The following EYS variants were observed in gnomAD, a reference collection of about 807,000 sequenced individuals.
EYS encodes the protein EGF-like photoreceptor maintenance factor, also known as protein eyes shut homolog.
Under a neutral mutation model 282.1 loss-of-function variants are expected in EYS, and 250 were observed. The observed-to-expected ratio is 0.89, with a 90% CI of 0.80 to 0.98. The LOEUF (loss-of-function observed/expected upper bound fraction) is 0.98, where lower values mean the gene tolerates loss of function less well. Ranked by LOEUF, EYS falls within the 50% of genes least tolerant of loss-of-function variation. EYS has a pLI of 0.00. For synonymous variants in EYS, 1,355 were observed against 1,282.9 expected, an observed-to-expected ratio of 1.06 and a Z score of -1.20; for missense variants, 4,016 against 3,709.0, an observed-to-expected ratio of 1.08 and a Z score of -2.15.
At chr6:64,572,746 A>G (rs1372114157) in intron 26 of EYS, among the ~76,000 whole-genome samples, 1 of 152,122 alleles carries the variant, frequency 6.6e-6, no homozygotes, top group African/African-American at 2.4e-5. Context: ...GGAGAAGTAC[A>G]AACCACTGCT....
intron 13 of EYS, among the ~76,000 whole-genome samples, chr6:65,022,375 A>G (rs1772275612): frequency 6.6e-6 from 1 of 152,238 alleles, no homozygotes; most frequent in Non-Finnish European, 1.5e-5. Context: ...GATAGTAACA[A>G]TAATAGCTGG....
At chr6:65,158,657 G>A (rs538345624) in intron 12 of EYS, among the ~76,000 whole-genome samples, 1 of 150,842 alleles carries the variant, frequency 6.6e-6, no homozygotes, top group South Asian at 2.1e-4. Context: ...AAAGGACAGG[G>A]TTTAAAAACA....
chr6:65,207,662 C>G (rs536307809), intron 12 of EYS, among the ~76,000 whole-genome samples: 1 of 151,560 alleles, frequency 6.6e-6, no homozygotes, highest in Non-Finnish European at 1.5e-5. Flanking sequence ...AGATCAAGTA[C>G]TGATATAAAA....
At chr6:63,738,773 TA>T (rs976656547) in intron 41 of EYS, among the ~76,000 whole-genome samples, 4 of 151,868 alleles carry the variant, frequency 2.6e-5, no homozygotes, top group East Asian at 3.9e-4. Flanking sequence ...TATACACACA[TA>T]AAAAAAATTC....
chr6:65,448,950 C>T (rs948241765), intron 5 of EYS, among the ~76,000 whole-genome samples: 2 of 152,006 alleles, frequency 1.3e-5, no homozygotes, highest in East Asian at 1.9e-4. Flanking sequence ...ATACAGCATG[C>T]CATTCTAGTT....
intron 37 of EYS, among the ~76,000 whole-genome samples, chr6:63,798,996 T>C (rs1178406667): frequency 7.5e-5 from 10 of 133,020 alleles, no homozygotes; most frequent in Non-Finnish European, 1.4e-4. Context: ...TGTATATATA[T>C]ATATATATAT....
intron 33 of EYS, among the ~76,000 whole-genome samples, chr6:64,037,771 C>T (rs1271487079): frequency 6.6e-6 from 1 of 152,192 alleles, no homozygotes; most frequent in Non-Finnish European, 1.5e-5. Context: ...TTCACCTCCT[C>T]CTAAAATCAT....
At chr6:63,958,440 C>A (rs1378213912) in intron 35 of EYS, among the ~76,000 whole-genome samples, 2 of 95,990 alleles carry the variant, frequency 2.1e-5, no homozygotes, top group African/African-American at 5.4e-5. Flanking sequence ...TTGTGGCCCC[C>A]ACAATGTTCA....
chr6:65,685,031 G>A (rs555593495), intron 1 of EYS, among the ~76,000 whole-genome samples: 2 of 152,064 alleles, frequency 1.3e-5, no homozygotes, highest in East Asian at 3.9e-4. Flanking sequence ...AGGAGATGAT[G>A]CGGATAATGG....
intron 22 of EYS, among the ~76,000 whole-genome samples, chr6:64,790,993 T>C (rs1487108101): frequency 6.6e-6 from 1 of 151,894 alleles, no homozygotes; most frequent in Admixed American, 6.6e-5. Context: ...TACATGCAGT[T>C]TTTCACATGC....
intron 2 of EYS, among the ~76,000 whole-genome samples, chr6:65,516,741 C>T (rs1767150791): frequency 6.6e-6 from 1 of 151,970 alleles, no homozygotes; most frequent in Non-Finnish European, 1.5e-5. Context: ...CACAAGGATG[C>T]CTGGTATTAC....
intron 8 of EYS, among the ~76,000 whole-genome samples, chr6:65,378,633 C>T (rs1356948369): frequency 6.6e-6 from 1 of 152,036 alleles, no homozygotes; most frequent in East Asian, 1.9e-4. Context: ...TGGAACCAAC[C>T]CAAATGCCCA....
chr6:64,464,329 C>G (rs180842351), intron 26 of EYS, among the ~76,000 whole-genome samples: 1 of 152,136 alleles, frequency 6.6e-6, no homozygotes, highest in Admixed American at 6.5e-5. Context: ...GATGATAAAC[C>G]TACAGCTAAT....
At chr6:65,077,900 A>C (rs931020155) in intron 12 of EYS, among the ~76,000 whole-genome samples, 1 of 152,150 alleles carries the variant, frequency 6.6e-6, no homozygotes, top group African/African-American at 2.4e-5. Context: ...GAAAAAATAA[A>C]TATGCTTCTT....
At chr6:64,712,113 T>A (rs1055012211) in intron 22 of EYS, among the ~76,000 whole-genome samples, 1 of 152,228 alleles carries the variant, frequency 6.6e-6, no homozygotes, top group African/African-American at 2.4e-5. Context: ...GGGGTTTCAC[T>A]AGGTACCTGT....
In EYS at chr6:65,495,128, A is replaced by G; in HGVS notation, c.283T>C (p.Ser95Pro). The change falls in exon 4 of 43, where the codon TCT becomes CCT. Residue 95 changes from serine to proline, a missense_variant. Transcript: ENST00000503581. ...AAATTTATTTCTGGAAATTGAAGAG[A>G]TGGTTCAGAAGAAATTACAAGGATA... is the stretch of plus-strand genomic sequence containing the variant. Reference protein sequence around the residue: ...GDILVISSEPSLQFPEINLMN... With the variant: ...GDILVISSEPPLQFPEINLMN... The G allele has an allele frequency of 1.9e-6, 3 of 1,614,148 alleles. No individual in the cohort carries two copies. Among genetic ancestry groups the G allele is most frequent in the Non-Finnish European group, 1.7e-6 (2 of 1,180,012 alleles).
chr6:64,909,970 T>G (rs1767942672), intron 16 of EYS, among the ~76,000 whole-genome samples: 1 of 152,112 alleles, frequency 6.6e-6, no homozygotes, highest in African/African-American at 2.4e-5. Context: ...ATTTTACCTA[T>G]ACTCATATTT....
intron 2 of EYS, among the ~76,000 whole-genome samples, chr6:65,619,583 AC>A (rs1011570572): frequency 5.7e-4 from 86 of 152,144 alleles, no homozygotes; most frequent in African/African-American, 1.7e-3. Context: ...AGAACTTCCA[AC>A]ACTATGTTGA....
chr6:64,368,185 CAT>C (rs1260368458), intron 29 of EYS, among the ~76,000 whole-genome samples: 2 of 152,150 alleles, frequency 1.3e-5, no homozygotes, highest in Non-Finnish European at 2.9e-5. Context: ...TAAGTGAAAA[CAT>C]GTGGTGTTTG....
Sources: gnomAD v4.1 joint callset for allele counts (sites outside exome capture counted in the v4.1 genomes callset) on GRCh38, gnomAD v4.1.1 for gene constraint, MANE v1.5 for transcripts, NCBI Gene and HGNC (gene_info 2026-07-23, HGNC 2026-07-21) for gene names.